Variants in NPAS3 observed in about 807,000 individuals in gnomAD.
NPAS3 encodes the protein neuronal PAS domain protein 3.
NPAS3 carries 14 observed loss-of-function variants against 73.1 expected under a neutral mutation model. That is an observed-to-expected ratio of 0.19 (90% CI 0.13 to 0.30). The LOEUF (loss-of-function observed/expected upper bound fraction) is 0.30. Among genes scored for constraint, NPAS3 ranks in the 10% least tolerant of loss-of-function variants. The pLI, the probability that NPAS3 is intolerant of heterozygous loss-of-function variation, is 1.00. For missense variants in NPAS3, 1,096 were observed against 1,250.0 expected (o/e 0.88, Z 1.86); for synonymous variants, 620 against 541.5 (o/e 1.14, Z -2.01).
chr14:33,400,872 T>A (rs78227089), intron 4 of NPAS3, among the ~76,000 whole-genome samples: 3,368 of 152,114 alleles, frequency 0.022, 67 homozygotes, highest in South Asian at 0.041. Flanking sequence ...CAGACCTACC[T>A]AGGATTTCAG....
chr14:33,506,315 A>G (rs2052759035), intron 4 of NPAS3, among the ~76,000 whole-genome samples: 1 of 152,016 alleles, frequency 6.6e-6, no homozygotes, highest in African/African-American at 2.4e-5. Flanking sequence ...AAGCTTAACT[A>G]CAGAAGCAGG....
intron 2 of NPAS3, among the ~76,000 whole-genome samples, chr14:33,173,971 C>G (rs1465917699): frequency 6.6e-6 from 1 of 151,968 alleles, no homozygotes; most frequent in African/African-American, 2.4e-5. Flanking sequence ...GTAACCAGAA[C>G]AAAAAAACAG....
intron 4 of NPAS3, among the ~76,000 whole-genome samples, chr14:33,524,648 G>A (rs1417860527): frequency 6.6e-6 from 1 of 152,110 alleles, no homozygotes; most frequent in East Asian, 1.9e-4. Context: ...ATCACAAACT[G>A]GTTGGCTTAC....
chr14:33,619,648 T>C (rs1173868178), intron 5 of NPAS3, among the ~76,000 whole-genome samples: 4 of 152,228 alleles, frequency 2.6e-5, no homozygotes, highest in Non-Finnish European at 5.9e-5. Flanking sequence ...GGACATTATG[T>C]AGCTTGCAAT....
At chr14:33,631,533 G>A (rs769992526) in intron 5 of NPAS3, among the ~76,000 whole-genome samples, 22 of 152,208 alleles carry the variant, frequency 1.4e-4, no homozygotes, top group Admixed American at 1.1e-3. Context: ...GGAAGAGCAC[G>A]TGTCCCAGTG....
intron 4 of NPAS3, among the ~76,000 whole-genome samples, chr14:33,372,531 C>T (rs1177124084): frequency 6.6e-6 from 1 of 152,192 alleles, no homozygotes; most frequent in Non-Finnish European, 1.5e-5. Context: ...AAGGCCCAGG[C>T]TGTGTATTGC....
rs2059237925 is a variant in NPAS3, at chr14:33,659,273, T to C, written c.559-16938T>C. On this transcript the variant is annotated intron_variant, in intron 5 of 11. Transcript: ENST00000356141. ...GTAGATGCCATTATTATCTTTACTT[T>C]ATAACAGAGGAAACGCCAGAGTAAC... Among the ~76,000 whole-genome samples the C allele has an allele frequency of 2.6e-5, 4 of 152,216 alleles. No homozygotes were observed. In the South Asian group the frequency reaches 8.3e-4, roughly 32 times the overall value.
intron 4 of NPAS3, among the ~76,000 whole-genome samples, chr14:33,493,315 T>G (rs1208995469): frequency 1.3e-5 from 2 of 151,396 alleles, no homozygotes; most frequent in East Asian, 3.9e-4. Context: ...TTCTGTTTGC[T>G]CTCTTAGTCT....
intron 3 of NPAS3, among the ~76,000 whole-genome samples, chr14:33,350,073 T>G (rs2044960575): frequency 6.6e-6 from 1 of 152,228 alleles, no homozygotes; most frequent in Non-Finnish European, 1.5e-5. Context: ...TTAATGCAGC[T>G]GCATTTCTCG....
At chr14:33,077,774 G>GTTTTTTTTTTGTT (rs2041710675) in intron 2 of NPAS3, among the ~76,000 whole-genome samples, 1 of 87,470 alleles carries the variant, frequency 1.1e-5, no homozygotes, top group Non-Finnish European at 2.3e-5. Context: ...TGCAGTAAGG[G>GTTTTTTTTTTGTT]TTTTTTTTTT....
intron 3 of NPAS3, among the ~76,000 whole-genome samples, chr14:33,243,289 ATC>A (rs576153285): frequency 2.8e-4 from 43 of 152,226 alleles, no homozygotes; most frequent in South Asian, 1.7e-3. Context: ...TGGGATATCT[ATC>A]TCTTTACATA....
At chr14:32,971,512 T>G (rs188293539) in intron 1 of NPAS3, among the ~76,000 whole-genome samples, 1 of 152,344 alleles carries the variant, frequency 6.6e-6, no homozygotes, top group Non-Finnish European at 1.5e-5. Context: ...ATTTATAATG[T>G]TATCTTCAAT....
chr14:33,470,555 C>G (rs904914225), intron 4 of NPAS3, among the ~76,000 whole-genome samples: 4 of 152,152 alleles, frequency 2.6e-5, no homozygotes, highest in Non-Finnish European at 5.9e-5. Flanking sequence ...AGGAAACCTT[C>G]TAAAGTTAAT....
chr14:33,707,113 A>G (rs1047285670), intron 6 of NPAS3, among the ~76,000 whole-genome samples: 4 of 152,182 alleles, frequency 2.6e-5, no homozygotes, highest in Non-Finnish European at 5.9e-5. Context: ...GATTGTGGGT[A>G]CTCACATCAG....
intron 5 of NPAS3, among the ~76,000 whole-genome samples, chr14:33,595,273 A>G (rs2057200169): frequency 6.6e-6 from 1 of 151,924 alleles, no homozygotes; most frequent in African/African-American, 2.4e-5. Flanking sequence ...TACTTAATTA[A>G]TGATCACTTT....
intron 1 of NPAS3, among the ~76,000 whole-genome samples, chr14:33,038,383 T>C (rs1013480269): frequency 1.2e-4 from 19 of 152,112 alleles, no homozygotes; most frequent in African/African-American, 4.3e-4. Context: ...AAGAGAATGT[T>C]CCTGTGCTAT....
intron 4 of NPAS3, among the ~76,000 whole-genome samples, chr14:33,412,742 C>A (rs1293099174): frequency 6.6e-6 from 1 of 150,806 alleles, no homozygotes; most frequent in East Asian, 1.9e-4. Context: ...CATTTTCTTA[C>A]CTGTAGAGTG....
At chr14:33,668,480 C>T (rs1244135445) in intron 5 of NPAS3, among the ~76,000 whole-genome samples, 1 of 152,086 alleles carries the variant, frequency 6.6e-6, no homozygotes, top group African/African-American at 2.4e-5. Flanking sequence ...AAATCATCCC[C>T]AGAATTATTA....
intron 4 of NPAS3, among the ~76,000 whole-genome samples, chr14:33,405,705 A>G (rs2047636078): frequency 6.6e-6 from 1 of 152,180 alleles, no homozygotes; most frequent in Admixed American, 6.6e-5. Context: ...CTATAGGAAC[A>G]TAAAATTCAT....
Sources: allele counts gnomAD v4.1 joint callset (sites outside exome capture counted in the v4.1 genomes callset), GRCh38; gene constraint gnomAD v4.1.1; transcripts MANE v1.5; gene names NCBI Gene and HGNC (gene_info 2026-07-23, HGNC 2026-07-21).